The following MAPKBP1 variants were observed in gnomAD, a reference collection of about 807,000 sequenced individuals.
MAPKBP1 encodes the protein mitogen-activated protein kinase binding protein 1.
In MAPKBP1, 71 loss-of-function variants were observed where a neutral mutation model predicts 170.5. The ratio of observed to expected loss-of-function variants is 0.42; its 90% CI spans 0.34 to 0.51. The LOEUF is 0.51. Ranked by LOEUF, MAPKBP1 falls within the 20% of genes least tolerant of loss-of-function variation. The probability of loss-of-function intolerance (pLI) is 0.06; values close to 1 mark genes in which losing one functional copy is unlikely to be tolerated. For missense variants in MAPKBP1, 1,598 were observed against 1,933.0 expected (o/e 0.83, Z 3.25); for synonymous variants, 719 against 757.9 (o/e 0.95, Z 0.84).
chr15:41,824,691 C>T, intron 30 of MAPKBP1, 122 bp downstream of exon 30: 2 of 996,890 alleles, frequency 2.0e-6, no homozygotes, highest in Non-Finnish European at 2.9e-6. Context: ...CACTCAAGAA[C>T]ATCTTGGGCA....
At chr15:41,816,678 G>A (rs775210534) in intron 13 of MAPKBP1, 28 bp downstream of exon 13, 1 of 1,598,004 alleles carries the variant, frequency 6.3e-7, no homozygotes, top group East Asian at 2.2e-5. Flanking sequence ...AATGGCACAG[G>A]GCTCCTCCAG....
chr15:41,806,569 G>A (rs1050711112), intron 3 of MAPKBP1, among the ~76,000 whole-genome samples: 1 of 152,118 alleles, frequency 6.6e-6, no homozygotes, highest in African/African-American at 2.4e-5. Context: ...GGCCCTTCCT[G>A]GGCAGTGGGC....
chr15:41,789,892 T>C (rs1426828423), intron 2 of MAPKBP1, among the ~76,000 whole-genome samples: 3 of 152,212 alleles, frequency 2.0e-5, no homozygotes, highest in Non-Finnish European at 4.4e-5. Context: ...GTGACTTCCC[T>C]GTGTGCTGTT....
intron 2 of MAPKBP1, among the ~76,000 whole-genome samples, chr15:41,780,385 CCCT>C (rs1567132200): frequency 1.3e-5 from 2 of 152,180 alleles, no homozygotes; most frequent in East Asian, 3.8e-4. Flanking sequence ...TTATCACTGA[CCCT>C]TTGTTTGGAG....
At chr15:41,824,999 G>A in intron 30 of MAPKBP1, 1 of 547,006 alleles carries the variant, frequency 1.8e-6, no homozygotes, top group Non-Finnish European at 3.2e-6. Context: ...CTTATAAGAT[G>A]TAGACGGTTC....
intron 2 of MAPKBP1, among the ~76,000 whole-genome samples, chr15:41,776,005 A>G (rs2064092335): frequency 6.6e-6 from 1 of 152,238 alleles, no homozygotes; most frequent in Admixed American, 6.5e-5. Flanking sequence ...CATTCACTAT[A>G]TGCCAAGAGC....
chr15:41,818,466 A>G lies in MAPKBP1; in HGVS notation c.2093-53A>G. On this transcript the variant is annotated intron_variant, in intron 18 of 30. Transcript: ENST00000457542. This position sits in a 1 kb window ranked among gnomAD's most constrained non-coding sequence, Gnocchi z 5.2. ...CGTGTCCACTGTTGGGATGGAGAGG[A>G]CTTGGTTGGGAATTTAAGGTGGCTT... 3 of 1,565,762 alleles carry G rather than the reference A, an allele frequency of 1.9e-6. No homozygotes were observed. The highest frequency in any genetic ancestry group is 2.6e-6 in the Non-Finnish European group (3 of 1,142,320).
intron 3 of MAPKBP1, among the ~76,000 whole-genome samples, chr15:41,809,132 C>G (rs1464705765): frequency 6.6e-6 from 1 of 151,562 alleles, no homozygotes; most frequent in Non-Finnish European, 1.5e-5. Context: ...CCTGTAATCC[C>G]AGCTACTTGG....
At position 41,814,754 on chromosome 15, in the gene MAPKBP1, T is replaced by C. The variant is rs1364397871; in HGVS notation, c.1170+15T>C. 7 of 1,612,812 alleles carry C rather than the reference T, an allele frequency of 4.3e-6. No homozygotes were observed. The highest frequency in any genetic ancestry group is 3.3e-5 in the South Asian group (3 of 91,016). On this transcript the variant is annotated intron_variant, in intron 10 of 30. Coordinates refer to ENST00000457542, the MANE Select transcript of MAPKBP1 (RefSeq NM_014994.3). ...GGAGTGTGGAGGTATGTGGGCTGGCTGGCTGGCTGGAGACTGGCCAGGTTG... is the reference window on the plus strand; with the variant it reads ...GGAGTGTGGAGGTATGTGGGCTGGCCGGCTGGCTGGAGACTGGCCAGGTTG...
Position 41,818,170 on chromosome 15 carries a change from G to C in MAPKBP1, c.1981-24G>C, listed in dbSNP as rs753488578. The C allele has an allele frequency of 1.2e-6, 2 of 1,609,792 alleles. No homozygotes were observed. The highest frequency in any genetic ancestry group is 1.7e-6 in the Non-Finnish European group (2 of 1,176,088). Reference sequence around the variant, plus strand: ...GGACTGGTACTTCCCATGTCCTCCAGCTGCACACCCTGCTACTCCTCAGGT... The same window carrying C: ...GGACTGGTACTTCCCATGTCCTCCACCTGCACACCCTGCTACTCCTCAGGT... On this transcript the variant is annotated intron_variant, in intron 17 of 30. Transcript: ENST00000457542. The surrounding 1 kb of genome is among the most constrained non-coding windows in gnomAD (Gnocchi z 5.2).
At chr15:41,812,462 T>C (rs1473657936) in intron 6 of MAPKBP1, 54 bp from the exon 7 acceptor site, 2 of 1,610,312 alleles carry the variant, frequency 1.2e-6, no homozygotes, top group Non-Finnish European at 1.7e-6. Context: ...TGAGTCACTG[T>C]CTTCTTAGCT....
chr15:41,789,809 A>G (rs1037735463), intron 2 of MAPKBP1, among the ~76,000 whole-genome samples: 10 of 152,152 alleles, frequency 6.6e-5, no homozygotes, highest in South Asian at 2.1e-4. Flanking sequence ...AAAGGTCTCT[A>G]TTGTCTGACT....
At chr15:41,775,083 A>T in intron 1 of MAPKBP1, 84 bp from the exon 2 acceptor site, 1 of 594,344 alleles carries the variant, frequency 1.7e-6, no homozygotes, top group East Asian at 2.8e-5. Flanking sequence ...AAATGGTGAG[A>T]GCAATACCCA....
chr15:41,791,525 C>T (rs1307984812), intron 2 of MAPKBP1, among the ~76,000 whole-genome samples: 1 of 152,256 alleles, frequency 6.6e-6, no homozygotes, highest in Admixed American at 6.5e-5. Flanking sequence ...TGGCTAGTGC[C>T]TGTCCTCTAG....
intron 13 of MAPKBP1, 72 bp downstream of exon 13, chr15:41,816,722 T>C: frequency 6.7e-7 from 1 of 1,496,194 alleles, no homozygotes; most frequent in Non-Finnish European, 9.3e-7. Context: ...GTCCCGGCTC[T>C]TGGACGTGGG....
At chr15:41,791,127 G>T (rs1208574777) in intron 2 of MAPKBP1, among the ~76,000 whole-genome samples, 2 of 152,180 alleles carry the variant, frequency 1.3e-5, no homozygotes, top group African/African-American at 4.8e-5. Flanking sequence ...GAAACAGCAA[G>T]TCCATGGTTT....
chr15:41,799,925 G>T lies in MAPKBP1; in HGVS notation c.206+11G>T. The T allele has an allele frequency of 6.2e-7, 1 of 1,613,184 alleles. No individual in the cohort carries two copies. Among genetic ancestry groups the T allele is most frequent in the Non-Finnish European group, 8.5e-7 (1 of 1,179,158 alleles). On this transcript the variant is annotated intron_variant, in intron 3 of 30. Coordinates refer to ENST00000457542, the MANE Select transcript of MAPKBP1 (RefSeq NM_014994.3). ...TGCTTACCCAGCAGGGTAAGTAAGC[G>T]CCTTGGAAGAGATCTTGATGCATGG...
chr15:41,788,073 T>C (rs1271615996), intron 2 of MAPKBP1, among the ~76,000 whole-genome samples: 1 of 152,080 alleles, frequency 6.6e-6, no homozygotes, highest in African/African-American at 2.4e-5. Flanking sequence ...TTCTTTTGCC[T>C]CAGCCTCCCA....
In MAPKBP1 at chr15:41,818,036, G is replaced by A; in HGVS notation, c.1932G>A (p.Gln644=). Residue 644 remains glutamine (Q), a synonymous_variant, in exon 17 of 31, where the codon CAG becomes CAA. Coordinates refer to ENST00000457542, the MANE Select transcript of MAPKBP1 (RefSeq NM_014994.3). The surrounding 1 kb of genome is among the most constrained non-coding windows in gnomAD (Gnocchi z 5.2). ...IRIFNISSGK[Q]KKLFKGSQGE... The stretch of plus-strand genomic sequence containing the variant: ...TATTTAACATCAGCAGTGGAAAGCA[G>A]AAGAAGCTGTTTAAAGGGTCACAGG... 6.2e-7 allele frequency: 1 copy of A among 1,614,158 alleles called. No homozygotes were observed. Among genetic ancestry groups the A allele is most frequent in the Non-Finnish European group, 8.5e-7 (1 of 1,180,028 alleles).
Sources: gnomAD v4.1 joint callset for allele counts (sites outside exome capture counted in the v4.1 genomes callset) on GRCh38, gnomAD v4.1.1 for gene constraint, Gnocchi (gnomAD v3.1) non-coding constraint, MANE v1.5 for transcripts, NCBI Gene and HGNC (gene_info 2026-07-23, HGNC 2026-07-21) for gene names.